The following CXADR variants were observed in gnomAD, a reference collection of about 807,000 sequenced individuals.
CXADR encodes CXADR cell adhesion molecule, also known as coxsackievirus and adenovirus receptor.
A neutral mutation model predicts 40.3 loss-of-function variants in CXADR; 20 were observed. The ratio of observed to expected loss-of-function variants is 0.50; its 90% confidence interval spans 0.35 to 0.72. The LOEUF is 0.72. Among genes scored for constraint, CXADR ranks in the 30% least tolerant of loss-of-function variants. The pLI, the probability that CXADR is intolerant of heterozygous loss-of-function variation, is 0.01. For missense variants in CXADR, 332 were observed against 449.1 expected, an observed-to-expected ratio of 0.74 and a Z score of 2.36; for synonymous variants, 150 against 161.3, an observed-to-expected ratio of 0.93 and a Z score of 0.53.
chr21:17,616,041 A>G, the CXADR span, among the ~76,000 whole-genome samples: 1 of 152,224 alleles, frequency 6.6e-6, no homozygotes, highest in Admixed American at 6.5e-5. Context: ...ACCTGAGGTC[A>G]GGAGTTTGAG....
chr21:17,612,847 G>C, the CXADR span: 2 of 152,128 alleles, frequency 1.3e-5, no homozygotes, highest in African/African-American at 4.8e-5. Context: ...CCGCGTCGTC[G>C]GGCGGCCAAG....
chr21:17,617,083 A>C, the CXADR span, among the ~76,000 whole-genome samples: 1 of 152,210 alleles, frequency 6.6e-6, no homozygotes, highest in African/African-American at 2.4e-5. Context: ...CCCTACCTCA[A>C]AGAGGCCTCA....
In CXADR at chr21:17,566,475, A is replaced by G; in HGVS notation, c.*783A>G. 1.0e-6 allele frequency: 1 copy of G among 985,454 alleles called. No individual in the cohort carries two copies. The highest frequency in any genetic ancestry group is 5.2e-4 in the Middle Eastern group (1 of 1,914). 61.0% of individuals were successfully genotyped at this position (985,454 alleles called of 1,614,324 possible). ...ATAGATTTTGTTGGTGAGTAGTCTC[A>G]TGCCTTGAGATCTGTGGTGGTCTTC... On this transcript the variant is annotated 3_prime_UTR_variant, in exon 7 of 7. Coordinates refer to ENST00000284878, the MANE Select transcript of CXADR (RefSeq NM_001338.5).
At chr21:17,608,885 G>A in the CXADR span, 3 of 1,281,880 alleles carry the variant, frequency 2.3e-6, no homozygotes, top group Non-Finnish European at 3.2e-6. Context: ...ACACCTGTAG[G>A]CATGGTCTGC....
chr21:17,557,821 A>G (rs1362655225), intron 3 of CXADR, among the ~76,000 whole-genome samples: 8 of 152,182 alleles, frequency 5.3e-5, no homozygotes, highest in Admixed American at 5.2e-4. Flanking sequence ...AGTCCCATCT[A>G]TTGTAACCAG....
chr21:17,541,323 C>T (rs750390138), intron 1 of CXADR, among the ~76,000 whole-genome samples: 7 of 151,962 alleles, frequency 4.6e-5, no homozygotes, highest in East Asian at 3.9e-4. Flanking sequence ...GAGGCCGAGG[C>T]GGGCGGATCA....
intron 1 of CXADR, chr21:17,518,749 A>G (rs1456726770): frequency 2.5e-6 from 4 of 1,589,828 alleles, no homozygotes; most frequent in Non-Finnish European, 3.4e-6. Context: ...AGTAATTGCA[A>G]AGGTGTTAGC....
the CXADR span, among the ~76,000 whole-genome samples, chr21:17,628,997 G>C: frequency 6.6e-6 from 1 of 152,248 alleles, no homozygotes; most frequent in East Asian, 1.9e-4. Context: ...GACTCACCCT[G>C]AATGATGCTG....
intron 1 of CXADR, among the ~76,000 whole-genome samples, chr21:17,515,637 C>G (rs1304006229): frequency 6.6e-6 from 1 of 152,080 alleles, no homozygotes; most frequent in African/African-American, 2.4e-5. Flanking sequence ...CGGTGAAACC[C>G]CGTCCCTACT....
chr21:17,620,336 G>A, the CXADR span, among the ~76,000 whole-genome samples: 3 of 152,162 alleles, frequency 2.0e-5, no homozygotes, highest in Admixed American at 1.3e-4. Flanking sequence ...AGGAGAGAGA[G>A]ACAGTGGAAT....
chr21:17,628,585 C>G, the CXADR span, among the ~76,000 whole-genome samples: 1 of 152,144 alleles, frequency 6.6e-6, no homozygotes, highest in African/African-American at 2.4e-5. Flanking sequence ...ACTGCAACCT[C>G]TGCCTCCCAG....
chr21:17,579,923 A>G (rs1384237031), intron 7 of CXADR, among the ~76,000 whole-genome samples: 1 of 151,648 alleles, frequency 6.6e-6, no homozygotes, highest in African/African-American at 2.4e-5. Context: ...TTACTATTGC[A>G]TATAGAGGAC....
At chr21:17,559,441 T>C (rs1038423704) in intron 4 of CXADR, among the ~76,000 whole-genome samples, 2 of 151,988 alleles carry the variant, frequency 1.3e-5, no homozygotes, top group Non-Finnish European at 2.9e-5. Flanking sequence ...TTCCTTGGCC[T>C]CCCAAAGTGC....
chr21:17,541,475 G>A (rs1487334352), intron 1 of CXADR, among the ~76,000 whole-genome samples: 2 of 151,940 alleles, frequency 1.3e-5, no homozygotes, highest in Admixed American at 6.6e-5. Flanking sequence ...GGAGAATGGC[G>A]TGAACCTGGG....
chr21:17,549,295 T>C (rs1053354824), intron 2 of CXADR, among the ~76,000 whole-genome samples: 3 of 152,204 alleles, frequency 2.0e-5, no homozygotes, highest in Admixed American at 2.0e-4. Context: ...TGCTCTGTTA[T>C]CATTTGCACT....
the CXADR span, among the ~76,000 whole-genome samples, chr21:17,625,479 A>G: frequency 1.3e-5 from 2 of 152,200 alleles, no homozygotes; most frequent in African/African-American, 2.4e-5. Context: ...ACGTACCCCA[A>G]AATATGTACA....
At position 17,551,751 on chromosome 21, in the gene CXADR, T is replaced by G; in HGVS notation, c.213T>G (p.Ile71Met). 6.2e-7 allele frequency: 1 copy of G among 1,605,766 alleles called. No homozygotes were observed. The highest frequency in any genetic ancestry group is 1.1e-5 in the South Asian group (1 of 90,020). ...GTCTAATTTTGGCTTTCTTTTAGATTATTTTATATTCTGGAGACAAAATTT... is the reference window on the plus strand; with the variant it reads ...GTCTAATTTTGGCTTTCTTTTAGATGATTTTATATTCTGGAGACAAAATTT... ...PADNQKVDQV[I>M]ILYSGDKIYD... The change falls in exon 3 of 7, where the codon ATT (isoleucine) becomes ATG (methionine). Residue 71 changes from isoleucine (I) to methionine (M), a missense_variant and splice_region_variant. Physicochemically the swap from Ile to Met is conservative, Grantham distance 10. Coordinates refer to ENST00000284878, the MANE Select transcript of CXADR (RefSeq NM_001338.5).
At chr21:17,514,129 A>T (rs1381177874) in intron 1 of CXADR, among the ~76,000 whole-genome samples, 1 of 152,158 alleles carries the variant, frequency 6.6e-6, no homozygotes, top group East Asian at 1.9e-4. Flanking sequence ...GCTGCGTTTT[A>T]TAACCAAATA....
chr21:17,593,468 T>C (rs1258904837), exon 8 of CXADR: 1 of 246,980 alleles, frequency 4.0e-6, no homozygotes, highest in Non-Finnish European at 7.7e-6. Context: ...CTAACAAATT[T>C]TTAACTTTTC....
Sources: gnomAD v4.1 joint callset for allele counts (sites outside exome capture counted in the v4.1 genomes callset) on GRCh38, gnomAD v4.1.1 for gene constraint, MANE v1.5 for transcripts, NCBI Gene and HGNC (gene_info 2026-07-23, HGNC 2026-07-21) for gene names.